The following PI4K2B variants were observed in gnomAD, a reference collection of about 807,000 sequenced individuals.
The protein encoded by PI4K2B is phosphatidylinositol 4-kinase type 2 beta.
A neutral mutation model predicts 56.6 loss-of-function variants in PI4K2B; 46 were observed. That is an observed-to-expected ratio of 0.81 (90% CI 0.64 to 1.04). PI4K2B has a LOEUF of 1.04. Among genes scored for constraint, PI4K2B ranks in the 50% least tolerant of loss-of-function variants. PI4K2B has a pLI of 0.00. For synonymous variants in PI4K2B, 211 were observed against 223.8 expected (o/e 0.94, Z 0.51); for missense variants, 556 against 607.7 (o/e 0.91, Z 0.89).
chr4:25,269,277 G>C (rs1259458787), intron 9 of PI4K2B, 74 bp downstream of exon 9: 6 of 804,356 alleles, frequency 7.5e-6, no homozygotes, highest in Non-Finnish European at 1.1e-5. Context: ...TCCCCACTGT[G>C]ATCTGGAGAT....
At position 25,273,704 on chromosome 4, in the gene PI4K2B, C is replaced by A. The variant is rs147724921; in HGVS notation, c.1273-3310C>A. ...TTTACCGACATTCTAAGTTGACCTT[C>A]CCTCTTCTCCCATTCCTCTTCCACG... On this transcript the variant is annotated intron_variant, in intron 9 of 9. Coordinates refer to ENST00000264864, the MANE Select transcript of PI4K2B (RefSeq NM_018323.4). Among the ~76,000 whole-genome samples, 594 of 152,344 alleles carry A rather than the reference C, an allele frequency of 3.9e-3. 22 individuals carry two copies. The highest frequency in any genetic ancestry group is 0.038 in the Admixed American group (583 of 15,292).
In PI4K2B at chr4:25,269,862, C is replaced by T. The variant is rs1460985622; in HGVS notation, c.1272+659C>T. ...CCGAGTAGCTGGGACTACAGGCGCC[C>T]ACCACCACACCCGGCTGATTTTTTT... On this transcript the variant is annotated intron_variant, in intron 9 of 9. Transcript: ENST00000264864. 3.3e-5 allele frequency among the ~76,000 whole-genome samples: 5 copies of T among 151,482 alleles called. No individual in the cohort carries two copies. In the East Asian group the frequency reaches 1.0e-3, roughly 30 times the overall value.
chr4:25,242,200 T>C (rs1715554882), intron 1 of PI4K2B, among the ~76,000 whole-genome samples: 1 of 152,180 alleles, frequency 6.6e-6, no homozygotes, highest in Non-Finnish European at 1.5e-5. Context: ...GTACCCTTGA[T>C]TAGCTAGAAA....
intron 1 of PI4K2B, among the ~76,000 whole-genome samples, chr4:25,243,878 C>T (rs1466188043): frequency 6.6e-6 from 1 of 152,162 alleles, no homozygotes; most frequent in Non-Finnish European, 1.5e-5. Context: ...CAGTGGGGAT[C>T]CATACTGGGG....
intron 4 of PI4K2B, among the ~76,000 whole-genome samples, chr4:25,257,534 T>G (rs1337711018): frequency 6.6e-6 from 1 of 152,228 alleles, no homozygotes. Context: ...TTCTTTTTTC[T>G]TATCACCTTT....
In PI4K2B at chr4:25,255,180, T is replaced by C; in HGVS notation, c.539T>C (p.Leu180Pro). ...CCTTGCTGCTTTGGCCGAGGCTGCC[T>C]GATTCCTAATCAGGGGTACCTTTCC... ...CCPCCFGRGCLIPNQGYLSEA... is the reference protein window; with the variant it reads ...CCPCCFGRGCPIPNQGYLSEA... Residue 180 changes from leucine (L) to proline (P), a missense_variant, in exon 3 of 10, where the codon CTG (leucine) becomes CCG (proline). Leu to Pro is a moderately conservative substitution (Grantham distance 98). Coordinates refer to ENST00000264864, the MANE Select transcript of PI4K2B (RefSeq NM_018323.4). 3.7e-6 allele frequency: 6 copies of C among 1,614,194 alleles called. No individual in the cohort carries two copies. The highest frequency in any genetic ancestry group is 5.1e-6 in the Non-Finnish European group (6 of 1,180,028).
At chr4:25,239,247 C>T (rs1196223556) in intron 1 of PI4K2B, among the ~76,000 whole-genome samples, 1 of 152,210 alleles carries the variant, frequency 6.6e-6, no homozygotes, top group Non-Finnish European at 1.5e-5. Context: ...GCCCACACTC[C>T]TCAGCCCTTG....
rs576096202 is a variant in PI4K2B at position 25,266,344 on chromosome 4, T to C, written c.1079-2099T>C. ...ATCACACTCAGCTAATCTACTTTTA[T>C]TTTTAACTTTTATCATTTTGTTTTA... On this transcript the variant is annotated intron_variant, in intron 7 of 9. Transcript: ENST00000264864. 5.9e-5 allele frequency among the ~76,000 whole-genome samples: 9 copies of C among 152,324 alleles called. No homozygotes were observed. In the South Asian group the frequency reaches 1.9e-3, roughly 32 times the overall value.
At chr4:25,258,542 A>G in intron 4 of PI4K2B, 1 of 501,770 alleles carries the variant, frequency 2.0e-6, no homozygotes, top group Non-Finnish European at 2.6e-6. Flanking sequence ...TAATTTATTT[A>G]GAATTCAAAG....
intron 7 of PI4K2B, among the ~76,000 whole-genome samples, chr4:25,267,113 G>A (rs1207043657): frequency 6.6e-6 from 1 of 152,206 alleles, no homozygotes; most frequent in Non-Finnish European, 1.5e-5. Context: ...AGTGCTACAT[G>A]CTACAGAGAG....
chr4:25,253,515 G>A (rs926299604), intron 2 of PI4K2B, among the ~76,000 whole-genome samples: 1 of 152,124 alleles, frequency 6.6e-6, no homozygotes, highest in Non-Finnish European at 1.5e-5. Flanking sequence ...TGAAGGTACT[G>A]TCAATCTCTC....
intron 4 of PI4K2B, among the ~76,000 whole-genome samples, chr4:25,257,584 G>C (rs187508062): frequency 6.0e-4 from 91 of 152,218 alleles, no homozygotes; most frequent in African/African-American, 2.1e-3. Context: ...GCTAAACAAG[G>C]GTAGAGAGGG....
chr4:25,269,906 C>T (rs539332790), intron 9 of PI4K2B, among the ~76,000 whole-genome samples: 3 of 151,742 alleles, frequency 2.0e-5, no homozygotes, highest in East Asian at 2.0e-4. Context: ...TTAGTAGAGA[C>T]GGGGTTTCAC....
At chr4:25,248,152 ATACTTCATACATACT>A (rs1209292982) in intron 1 of PI4K2B, among the ~76,000 whole-genome samples, 5 of 152,384 alleles carry the variant, frequency 3.3e-5, no homozygotes, top group South Asian at 2.1e-4. Flanking sequence ...GATAAGTTAC[ATACTTCATACATACT>A]TACTTCATAC....
chr4:25,252,073 C>T (rs894202825), intron 1 of PI4K2B, among the ~76,000 whole-genome samples: 2 of 152,122 alleles, frequency 1.3e-5, no homozygotes, highest in Admixed American at 1.3e-4. Flanking sequence ...GTGATCCACT[C>T]GCCTCAGCCT....
At chr4:25,247,985 G>A (rs1421143773) in intron 1 of PI4K2B, among the ~76,000 whole-genome samples, 1 of 152,206 alleles carries the variant, frequency 6.6e-6, no homozygotes, top group Admixed American at 6.5e-5. Flanking sequence ...TTACAGGCGT[G>A]AGCCACTGCA....
intron 9 of PI4K2B, among the ~76,000 whole-genome samples, chr4:25,273,565 G>T (rs1249342808): frequency 6.6e-6 from 1 of 152,080 alleles, no homozygotes; most frequent in African/African-American, 2.4e-5. Flanking sequence ...AATGACTTTG[G>T]CTCAAAGGGC....
At position 25,276,561 on chromosome 4, in the gene PI4K2B, C is replaced by T. The variant is rs547966769; in HGVS notation, c.1273-453C>T. ...TTTTTTAACTATTGTATCCCTAGCACTTACAGCAGAACCTCGCACATAGTA... is the reference window on the plus strand; with the variant it reads ...TTTTTTAACTATTGTATCCCTAGCATTTACAGCAGAACCTCGCACATAGTA... On this transcript the variant is annotated intron_variant, in intron 9 of 9. Coordinates refer to ENST00000264864, the MANE Select transcript of PI4K2B (RefSeq NM_018323.4). 5.1e-4 allele frequency: 372 copies of T among 724,940 alleles called. No homozygotes were observed. The South Asian group carries it at 7.8e-3, about 15-fold the overall frequency. 44.9% of individuals were successfully genotyped at this position (724,940 alleles called of 1,614,324 possible). A position where few individuals can be genotyped will look rare whatever the true frequency, so the allele number is the denominator to read the frequency against.
chr4:25,246,655 C>G (rs1041916585), intron 1 of PI4K2B, among the ~76,000 whole-genome samples: 1 of 152,230 alleles, frequency 6.6e-6, no homozygotes, highest in African/African-American at 2.4e-5. Context: ...TTGATGGGAC[C>G]AGGCACCATG....
Sources: gnomAD v4.1 joint callset for allele counts (sites outside exome capture counted in the v4.1 genomes callset) on GRCh38, gnomAD v4.1.1 for gene constraint, MANE v1.5 for transcripts, NCBI Gene and HGNC (gene_info 2026-07-23, HGNC 2026-07-21) for gene names.